The following ARHGEF28 variants were observed in gnomAD, a reference collection of about 807,000 sequenced individuals.
The protein encoded by ARHGEF28 is 190 kDa guanine nucleotide exchange factor.
ARHGEF28 carries 152 observed loss-of-function variants against 206.6 expected under a neutral mutation model. The ratio of observed to expected loss-of-function variants is 0.74; its 90% confidence interval spans 0.64 to 0.84. ARHGEF28 has a LOEUF of 0.84. ARHGEF28 is among the 40% of genes least tolerant of loss of function. The pLI, the probability that ARHGEF28 is intolerant of heterozygous loss-of-function variation, is 0.00. For synonymous variants in ARHGEF28, 763 were observed against 776.4 expected (o/e 0.98, Z 0.29); for missense variants, 2,028 against 2,073.2 (o/e 0.98, Z 0.42).
chr5:73,912,634 T>C (rs1399692284), intron 35 of ARHGEF28, among the ~76,000 whole-genome samples: 2 of 152,230 alleles, frequency 1.3e-5, no homozygotes, highest in Admixed American at 6.5e-5. Context: ...CTTGTCAGCA[T>C]ATAGGAGAGA....
intron 8 of ARHGEF28, among the ~76,000 whole-genome samples, chr5:73,794,838 C>T (rs567053522): frequency 1.3e-5 from 2 of 152,274 alleles, no homozygotes; most frequent in Admixed American, 1.3e-4. Context: ...AACTCGTGAC[C>T]TCAGGTGATC....
intron 26 of ARHGEF28, among the ~76,000 whole-genome samples, chr5:73,891,552 T>C (rs920316662): frequency 1.3e-5 from 2 of 152,048 alleles, no homozygotes; most frequent in Non-Finnish European, 2.9e-5. Flanking sequence ...TTTTTTTTCT[T>C]TTTTTGAGAT....
chr5:73,700,571 G>A (rs2112284681), intron 2 of ARHGEF28, among the ~76,000 whole-genome samples: 1 of 152,264 alleles, frequency 6.6e-6, no homozygotes, highest in South Asian at 2.1e-4. Flanking sequence ...TTGCACAGTT[G>A]GGTGACTATG....
rs12655759 is a variant in ARHGEF28 at position 73,838,786 on chromosome 5, T to A, written c.1147-1694T>A. ...TGGATAGTTTCTTACGTAAGCACAG[T>A]ACAGTTACCAAAATCATAAAATTAT... On this transcript the variant is annotated intron_variant, in intron 10 of 35. Coordinates refer to ENST00000513042, the MANE Select transcript of ARHGEF28 (RefSeq NM_001177693.2). 1.1e-3 allele frequency among the ~76,000 whole-genome samples: 169 copies of A among 152,322 alleles called. 4 individuals carry two copies. The East Asian group carries it at 0.029, about 26-fold the overall frequency.
intron 9 of ARHGEF28, among the ~76,000 whole-genome samples, chr5:73,818,506 A>G (rs902573588): frequency 6.6e-6 from 1 of 152,192 alleles, no homozygotes; most frequent in Non-Finnish European, 1.5e-5. Flanking sequence ...TAGGATGAGT[A>G]AGTCACTAGA....
chr5:73,726,208 C>A (rs1191394694), intron 2 of ARHGEF28, among the ~76,000 whole-genome samples: 1 of 152,112 alleles, frequency 6.6e-6, no homozygotes, highest in Non-Finnish European at 1.5e-5. Flanking sequence ...CACTGCCAGC[C>A]CAGAACAGAG....
chr5:73,798,813 C>T (rs895963555), intron 9 of ARHGEF28, among the ~76,000 whole-genome samples: 1 of 152,138 alleles, frequency 6.6e-6, no homozygotes, highest in East Asian at 1.9e-4. Context: ...TCTGGCCAGG[C>T]GTGGTGGCTC....
chr5:73,898,282 G>A, intron 30 of ARHGEF28, 189 bp downstream of exon 30: 1 of 607,860 alleles, frequency 1.6e-6, no homozygotes, highest in South Asian at 2.6e-5. Flanking sequence ...AATGACACTG[G>A]GGTTTCAAGT....
chr5:73,788,573 TAAGGAAGATA>T (rs1365102536), intron 7 of ARHGEF28, among the ~76,000 whole-genome samples: 1 of 152,122 alleles, frequency 6.6e-6, no homozygotes, highest in East Asian at 1.9e-4. Flanking sequence ...AATAAAATCA[TAAGGAAGATA>T]AAATACATTT....
At chr5:73,665,535 C>T (rs1357298368) in intron 1 of ARHGEF28, among the ~76,000 whole-genome samples, 1 of 152,112 alleles carries the variant, frequency 6.6e-6, no homozygotes, top group East Asian at 1.9e-4. Flanking sequence ...TGGAGTAACA[C>T]AGATGGGGTA....
chr5:73,891,739 G>A (rs1761651296), intron 26 of ARHGEF28, among the ~76,000 whole-genome samples: 2 of 152,166 alleles, frequency 1.3e-5, no homozygotes, highest in South Asian at 2.1e-4. Context: ...TGGCCAGGCT[G>A]GTCTTGAACT....
At chr5:73,741,935 T>G (rs1205142873) in intron 2 of ARHGEF28, among the ~76,000 whole-genome samples, 1 of 152,196 alleles carries the variant, frequency 6.6e-6, no homozygotes, top group Non-Finnish European at 1.5e-5. Flanking sequence ...CCACTGTGAT[T>G]GTGGATTTGT....
chr5:73,732,297 A>G (rs977396083), intron 2 of ARHGEF28, among the ~76,000 whole-genome samples: 1 of 151,300 alleles, frequency 6.6e-6, no homozygotes, highest in African/African-American at 2.4e-5. Context: ...CCAGAATGTC[A>G]TAGAGTTGGC....
Position 73,857,265 on chromosome 5 carries a change from G to A in ARHGEF28, c.1791-391G>A, listed in dbSNP as rs146801240. On this transcript the variant is annotated intron_variant, in intron 14 of 35. Transcript: ENST00000513042. ...GTTATTTGGCTTCTCTGTGCTCTGGGGAATTCTTACTAGCATAGTAAACAG... is the reference window on the plus strand; with the variant it reads ...GTTATTTGGCTTCTCTGTGCTCTGGAGAATTCTTACTAGCATAGTAAACAG... Among the ~76,000 whole-genome samples, 1,505 of 152,184 alleles carry A rather than the reference G, an allele frequency of 9.9e-3. 18 individuals are homozygous for A. The highest frequency in any genetic ancestry group is 0.016 in the Non-Finnish European group (1,109 of 68,010).
intron 9 of ARHGEF28, among the ~76,000 whole-genome samples, chr5:73,808,183 T>C (rs1755625026): frequency 6.6e-6 from 1 of 152,314 alleles, no homozygotes; most frequent in South Asian, 2.1e-4. Flanking sequence ...GGTTGTACCA[T>C]GCTCCCGATT....
intron 2 of ARHGEF28, among the ~76,000 whole-genome samples, chr5:73,746,026 A>G (rs59339794): frequency 0.3 from 45,185 of 151,926 alleles, 6,863 homozygotes; most frequent in Non-Finnish European, 0.31. Flanking sequence ...ATGATCTGTT[A>G]ACACAGGAAA....
chr5:73,703,647 T>TTGTGTGTGTGTGTGTGTGTG (rs56160198), intron 2 of ARHGEF28, among the ~76,000 whole-genome samples: 41 of 139,708 alleles, frequency 2.9e-4, no homozygotes, highest in African/African-American at 1.0e-3. Context: ...TTTCCCAGCA[T>TTGTGTGTGTGTGTGTGTGTG]TGTGTGTGTG....
intron 1 of ARHGEF28, among the ~76,000 whole-genome samples, chr5:73,671,002 T>C (rs1345072377): frequency 6.6e-6 from 1 of 152,116 alleles, no homozygotes; most frequent in Non-Finnish European, 1.5e-5. Flanking sequence ...CCTTTTTTTT[T>C]CAGGTCTAAC....
intron 1 of ARHGEF28, among the ~76,000 whole-genome samples, chr5:73,661,215 G>A (rs1639604014): frequency 6.6e-6 from 1 of 152,190 alleles, no homozygotes. Context: ...TCTGGAGATG[G>A]CTTCTTAAAC....
Sources: gnomAD v4.1 joint callset for allele counts (sites outside exome capture counted in the v4.1 genomes callset) on GRCh38, gnomAD v4.1.1 for gene constraint, MANE v1.5 for transcripts, NCBI Gene and HGNC (gene_info 2026-07-23, HGNC 2026-07-21) for gene names.